APBB2: variants seen among roughly 807,000 people sequenced by gnomAD.
APBB2 encodes Fe65-like 1.
A neutral mutation model predicts 82.5 loss-of-function variants in APBB2; 38 were observed. The observed-to-expected ratio is 0.46, with a 90% CI of 0.36 to 0.60. The LOEUF (loss-of-function observed/expected upper bound fraction) is 0.60. Ranked by LOEUF, APBB2 falls within the 20% of genes least tolerant of loss-of-function variation. APBB2 has a pLI of 0.00. For synonymous variants in APBB2, 341 were observed against 368.2 expected, an observed-to-expected ratio of 0.93 and a Z score of 0.85; for missense variants, 772 against 972.3, an observed-to-expected ratio of 0.79 and a Z score of 2.74.
At chr4:41,090,593 G>A (rs538817457) in intron 3 of APBB2, among the ~76,000 whole-genome samples, 3 of 152,104 alleles carry the variant, frequency 2.0e-5, no homozygotes, top group Admixed American at 2.0e-4. Context: ...TCTGAATGCT[G>A]TAAAGATTTT....
At chr4:41,187,561 T>C (rs1194422899) in intron 1 of APBB2, among the ~76,000 whole-genome samples, 1 of 152,348 alleles carries the variant, frequency 6.6e-6, no homozygotes, top group South Asian at 2.1e-4. Context: ...CCTGGACGAC[T>C]GTTCAGCTCA....
intron 12 of APBB2, among the ~76,000 whole-genome samples, chr4:40,840,558 T>G (rs948561979): frequency 9.2e-5 from 14 of 152,290 alleles, no homozygotes; most frequent in African/African-American, 2.9e-4. Context: ...TTTCACAAAG[T>G]TCAGGCTCTC....
intron 4 of APBB2, among the ~76,000 whole-genome samples, chr4:41,047,088 G>A (rs1481998616): frequency 6.6e-6 from 1 of 152,180 alleles, no homozygotes. Flanking sequence ...ATGTAATTTT[G>A]TTTAAGTAGC....
chr4:40,925,883 T>C lies in APBB2; in HGVS notation c.1254+8573A>G, dbSNP rs563135280. ...GATAAATAAAGCTCACAGATGAATA[T>C]TGGAATCTCATGTCCATTCGCCATT... On this transcript the variant is annotated intron_variant, in intron 10 of 17. Coordinates refer to ENST00000508593, the MANE Select transcript of APBB2 (RefSeq NM_004307.2). 8.6e-4 allele frequency among the ~76,000 whole-genome samples: 131 copies of C among 152,310 alleles called. 2 individuals are homozygous for C. The South Asian group carries it at 0.014, about 17-fold the overall frequency.
At position 41,140,537 on chromosome 4, in the gene APBB2, T is replaced by C. The variant is rs190312403; in HGVS notation, c.-261+2450A>G. On this transcript the variant is annotated intron_variant, in intron 2 of 17. Transcript: ENST00000508593. The stretch of plus-strand genomic sequence containing the variant: ...CTTTGTTCTTACCTCTAGAGATACA[T>C]TGTCACACTGCATGTCAGTCATGTG... 4.7e-4 allele frequency among the ~76,000 whole-genome samples: 72 copies of C among 152,330 alleles called. 1 individual carries two copies. In the East Asian group the frequency reaches 0.01, roughly 22 times the overall value.
At chr4:40,940,308 A>C (rs1482563643) in intron 7 of APBB2, among the ~76,000 whole-genome samples, 1 of 152,148 alleles carries the variant, frequency 6.6e-6, no homozygotes, top group Non-Finnish European at 1.5e-5. Flanking sequence ...TCATTAGAGG[A>C]CCTGCTGTCC....
intron 2 of APBB2, among the ~76,000 whole-genome samples, chr4:41,141,377 T>G (rs1759158999): frequency 6.6e-6 from 1 of 152,130 alleles, no homozygotes; most frequent in African/African-American, 2.4e-5. Context: ...CGCGCATGTG[T>G]GCGTGTGCAT....
At chr4:40,842,314 T>C (rs1756086115) in intron 12 of APBB2, 3 of 444,644 alleles carry the variant, frequency 6.7e-6, no homozygotes, top group East Asian at 7.1e-5. Flanking sequence ...CAAGTGAGCT[T>C]TGCCAGACAC....
At chr4:40,820,547 C>T (rs1747495831) in intron 17 of APBB2, among the ~76,000 whole-genome samples, 5 of 152,120 alleles carry the variant, frequency 3.3e-5, no homozygotes, top group Admixed American at 3.3e-4. Flanking sequence ...TGCCTGTAAT[C>T]CCAGCTATTT....
intron 7 of APBB2, among the ~76,000 whole-genome samples, chr4:40,943,796 C>T (rs939188715): frequency 6.6e-6 from 1 of 152,204 alleles, no homozygotes; most frequent in Non-Finnish European, 1.5e-5. Context: ...AAACCAAAGT[C>T]CTTGCCTACC....
chr4:40,933,368 C>A (rs1345325182), intron 10 of APBB2, among the ~76,000 whole-genome samples: 1 of 152,158 alleles, frequency 6.6e-6, no homozygotes, highest in Non-Finnish European at 1.5e-5. Flanking sequence ...AAGCCAGGAA[C>A]CCTCTCTTCC....
At position 40,814,745 on chromosome 4, in the gene APBB2, A is replaced by C. The variant is rs541383679; in HGVS notation, c.*1347T>G. ...AAACGACAATGTCAACGAGAGTCTA[A>C]ATTTGTATGTCTTTCCAGCTAAGTT... On this transcript the variant is annotated 3_prime_UTR_variant, in exon 18 of 18. Transcript: ENST00000508593. 6.6e-6 allele frequency: 1 copy of C among 152,372 alleles called. No homozygotes were observed. The highest frequency in any genetic ancestry group is 1.5e-5 in the Non-Finnish European group (1 of 68,040). The allele number at this position is 152,372 out of a possible 1,614,324, so 9.4% of individuals were successfully genotyped here.
At chr4:41,160,395 A>AATTT (rs1440889715) in intron 1 of APBB2, among the ~76,000 whole-genome samples, 1 of 152,208 alleles carries the variant, frequency 6.6e-6, no homozygotes, top group African/African-American at 2.4e-5. Flanking sequence ...AATATTAGAT[A>AATTT]AACCAGACGC....
chr4:41,173,583 C>A (rs1315332851), intron 1 of APBB2, among the ~76,000 whole-genome samples: 2 of 152,200 alleles, frequency 1.3e-5, no homozygotes, highest in Non-Finnish European at 2.9e-5. Context: ...CGGCAGGCTG[C>A]ATATACAAGG....
chr4:41,146,144 G>A (rs912218557), intron 1 of APBB2, among the ~76,000 whole-genome samples: 3 of 152,030 alleles, frequency 2.0e-5, no homozygotes, highest in African/African-American at 7.2e-5. Flanking sequence ...TGGCCAACAT[G>A]CCAAAACCCT....
At chr4:41,169,592 A>G (rs1767684768) in intron 1 of APBB2, among the ~76,000 whole-genome samples, 1 of 152,198 alleles carries the variant, frequency 6.6e-6, no homozygotes, top group Non-Finnish European at 1.5e-5. Flanking sequence ...TTGCATACTA[A>G]AGCTTCCAAA....
At chr4:41,067,532 T>G (rs965523051) in intron 3 of APBB2, among the ~76,000 whole-genome samples, 3 of 152,038 alleles carry the variant, frequency 2.0e-5, no homozygotes, top group African/African-American at 7.2e-5. Context: ...TAAAAGTGAT[T>G]ACAACATAGA....
intron 1 of APBB2, among the ~76,000 whole-genome samples, chr4:41,203,480 A>C (rs1348888881): frequency 6.6e-6 from 1 of 152,176 alleles, no homozygotes; most frequent in Non-Finnish European, 1.5e-5. Context: ...CCCCATTCAC[A>C]TATTTTCTGC....
chr4:40,920,619 C>A (rs1199766173), intron 10 of APBB2, among the ~76,000 whole-genome samples: 1 of 152,198 alleles, frequency 6.6e-6, no homozygotes, highest in Non-Finnish European at 1.5e-5. Flanking sequence ...TGCCTGTAAT[C>A]CCAGCACTTT....
Sources: gnomAD v4.1 joint callset for allele counts (sites outside exome capture counted in the v4.1 genomes callset) on GRCh38, gnomAD v4.1.1 for gene constraint, MANE v1.5 for transcripts, NCBI Gene and HGNC (gene_info 2026-07-23, HGNC 2026-07-21) for gene names.